ARFGEF2: variants seen among roughly 807,000 people sequenced by gnomAD.
ARFGEF2 encodes the protein brefeldin A-inhibited guanine nucleotide-exchange protein 2.
In ARFGEF2, 74 loss-of-function variants were observed where a neutral mutation model predicts 219.9. The observed-to-expected ratio is 0.34, with a 90% CI of 0.28 to 0.41. The LOEUF is 0.41. Among genes scored for constraint, ARFGEF2 ranks in the 10% least tolerant of loss-of-function variants. The pLI is 1.00. For missense variants in ARFGEF2, 1,743 were observed against 2,218.3 expected, an observed-to-expected ratio of 0.79 and a Z score of 4.30; for synonymous variants, 733 against 799.2, an observed-to-expected ratio of 0.92 and a Z score of 1.40.
At chr20:49,031,266 A>G (rs911049650) in intron 37 of ARFGEF2, among the ~76,000 whole-genome samples, 6 of 114,112 alleles carry the variant, frequency 5.3e-5, no homozygotes, top group Admixed American at 1.4e-4. Flanking sequence ...GTCTCACTCT[A>G]TCGCCCAGGC....
At chr20:48,982,340 C>T (rs1054760281) in intron 14 of ARFGEF2, among the ~76,000 whole-genome samples, 1 of 152,162 alleles carries the variant, frequency 6.6e-6, no homozygotes, top group African/African-American at 2.4e-5. Context: ...TATTGCAGAA[C>T]AGCAAATATT....
intron 34 of ARFGEF2, among the ~76,000 whole-genome samples, chr20:49,022,349 A>G (rs780802177): frequency 4.6e-5 from 7 of 151,604 alleles, no homozygotes; most frequent in Non-Finnish European, 1.0e-4. Flanking sequence ...ATCGCTTGAT[A>G]TTGTGGCACA....
At chr20:48,967,615 A>T (rs1014480631) in intron 8 of ARFGEF2, among the ~76,000 whole-genome samples, 1 of 152,216 alleles carries the variant, frequency 6.6e-6, no homozygotes, top group Non-Finnish European at 1.5e-5. Flanking sequence ...CTGTAGCAAG[A>T]TCATGTCTCA....
chr20:48,969,433 G>A (rs2091211645), intron 9 of ARFGEF2, among the ~76,000 whole-genome samples, 156 bp downstream of exon 9: 1 of 152,216 alleles, frequency 6.6e-6, no homozygotes, highest in Non-Finnish European at 1.5e-5. Context: ...GACTCATGCA[G>A]TCTCTAGAGT....
At chr20:48,971,015 C>T in intron 9 of ARFGEF2, 105 bp from the exon 10 acceptor site, 1 of 942,016 alleles carries the variant, frequency 1.1e-6, no homozygotes, top group Non-Finnish European at 1.7e-6. Context: ...GCTATTAATT[C>T]TTTAAAATTC....
At chr20:49,018,322 T>G (rs1452732335) in intron 33 of ARFGEF2, among the ~76,000 whole-genome samples, 1 of 152,132 alleles carries the variant, frequency 6.6e-6, no homozygotes, top group African/African-American at 2.4e-5. Context: ...AACCTCCACC[T>G]CCTGGGTTCA....
chr20:48,990,759 T>C (rs2091352979), intron 20 of ARFGEF2, among the ~76,000 whole-genome samples: 1 of 152,206 alleles, frequency 6.6e-6, no homozygotes, highest in Admixed American at 6.5e-5. Context: ...AGTCTTAGTA[T>C]TCAACAGACA....
rs539485222 is a variant in ARFGEF2 at position 48,940,645 on chromosome 20, A to G, written c.122-554A>G. Reference sequence around the variant, plus strand: ...TCAAATTCTGGCTCCCTAGTTCTTGATGTGCAACAGTAGCCAAGTTACCTA... The same window carrying G: ...TCAAATTCTGGCTCCCTAGTTCTTGGTGTGCAACAGTAGCCAAGTTACCTA... On this transcript the variant is annotated intron_variant, in intron 1 of 38. Transcript: ENST00000371917. Among the ~76,000 whole-genome samples the G allele has an allele frequency of 3.3e-4, 51 of 152,318 alleles. No homozygotes were observed. The South Asian group carries it at 3.7e-3, about 11-fold the overall frequency.
chr20:48,940,153 T>C (rs2090984815), intron 1 of ARFGEF2, among the ~76,000 whole-genome samples: 1 of 152,246 alleles, frequency 6.6e-6, no homozygotes, highest in African/African-American at 2.4e-5. Context: ...TTGTGATTTC[T>C]GAAAAATGAC....
At chr20:48,959,471 C>CCCTT (rs2091127992) in intron 6 of ARFGEF2, among the ~76,000 whole-genome samples, 1 of 2,066 alleles carries the variant, frequency 4.8e-4, no homozygotes, top group Non-Finnish European at 1.0e-3. Flanking sequence ...CTCCCTTCTT[C>CCCTT]TCTCCTTCTC....
At chr20:49,010,174 C>T in intron 26 of ARFGEF2, 58 bp from the exon 27 acceptor site, 1 of 1,578,344 alleles carries the variant, frequency 6.3e-7, no homozygotes, top group South Asian at 1.2e-5. Flanking sequence ...GAGCTATGTT[C>T]ATTTCTCTTC....
intron 3 of ARFGEF2, among the ~76,000 whole-genome samples, chr20:48,943,302 A>G (rs1214898546): frequency 6.6e-6 from 1 of 152,218 alleles, no homozygotes; most frequent in Admixed American, 6.5e-5. Context: ...TGGGCTTATA[A>G]ATAAATTTTA....
Position 49,033,428 on chromosome 20 carries a change from T to A in ARFGEF2, c.*229T>A. 3.7e-6 allele frequency: 2 copies of A among 535,642 alleles called. No individual in the cohort carries two copies. Among genetic ancestry groups the A allele is most frequent in the Non-Finnish European group, 3.4e-6 (1 of 298,378 alleles). The allele number at this position is 535,642 out of a possible 1,614,324, so 33.2% of individuals were successfully genotyped here. On this transcript the variant is annotated 3_prime_UTR_variant, in exon 39 of 39. Transcript: ENST00000371917. ...TAGCACAGTAGGTGGGGAGTCTGCTTCATTTCTATCATTCCATTTTTCTGA... is the reference window on the plus strand; with the variant it reads ...TAGCACAGTAGGTGGGGAGTCTGCTACATTTCTATCATTCCATTTTTCTGA...
At chr20:48,966,825 T>G (rs1483985101) in intron 8 of ARFGEF2, among the ~76,000 whole-genome samples, 1 of 152,200 alleles carries the variant, frequency 6.6e-6, no homozygotes, top group African/African-American at 2.4e-5. Flanking sequence ...CTGTGCTTTA[T>G]ACATAAAAAT....
chr20:49,010,355 T>C lies in ARFGEF2; in HGVS notation c.3708T>C (p.His1236=), dbSNP rs764804293. Reference sequence around the variant, plus strand: ...TGTTCCACCAGGCAGCCTCTGATCATGATGGGAACATTGTGGAGCTGGCCT... The same window carrying C: ...TGTTCCACCAGGCAGCCTCTGATCACGATGGGAACATTGTGGAGCTGGCCT... ...FAVFHQAASD[H]DGNIVELAFQ... Residue 1236 remains histidine, a synonymous_variant, in exon 27 of 39, where the codon CAT becomes CAC. Coordinates refer to ENST00000371917, the MANE Select transcript of ARFGEF2 (RefSeq NM_006420.3). 3 of 1,614,212 alleles carry C rather than the reference T, an allele frequency of 1.9e-6. No homozygotes were observed. The highest frequency in any genetic ancestry group is 2.2e-5 in the South Asian group (2 of 91,084).
intron 3 of ARFGEF2, among the ~76,000 whole-genome samples, 161 bp from the exon 4 acceptor site, chr20:48,951,162 C>T (rs141775516): frequency 1.3e-3 from 195 of 152,140 alleles, no homozygotes; most frequent in Non-Finnish European, 2.1e-3. Context: ...GGCGACAGGA[C>T]GAAGGTTGCA....
intron 28 of ARFGEF2, among the ~76,000 whole-genome samples, chr20:49,012,796 G>C (rs2091508145): frequency 6.6e-6 from 1 of 152,160 alleles, no homozygotes; most frequent in South Asian, 2.1e-4. Flanking sequence ...GATTCATTTA[G>C]TCCCCATGTC....
chr20:49,032,198 C>T (rs1263466819), intron 38 of ARFGEF2, 32 bp downstream of exon 38: 2 of 1,507,368 alleles, frequency 1.3e-6, no homozygotes, highest in South Asian at 1.1e-5. Context: ...CCAATTTTCA[C>T]TAGGACATAA....
At chr20:48,946,926 C>T (rs775212642) in intron 3 of ARFGEF2, among the ~76,000 whole-genome samples, 20 of 152,090 alleles carry the variant, frequency 1.3e-4, no homozygotes, top group African/African-American at 4.6e-4. Flanking sequence ...CTCAGCCTCC[C>T]GAGTAGCTGG....
Sources: gnomAD v4.1 joint callset for allele counts (sites outside exome capture counted in the v4.1 genomes callset) on GRCh38, gnomAD v4.1.1 for gene constraint, MANE v1.5 for transcripts, NCBI Gene and HGNC (gene_info 2026-07-23, HGNC 2026-07-21) for gene names.